Variants in CCDC141 observed in about 807,000 individuals in gnomAD.
The protein encoded by CCDC141 is coiled-coil domain-containing protein 141.
CCDC141 carries 168 observed loss-of-function variants against 181.0 expected under a neutral mutation model. That is an observed-to-expected ratio of 0.93 (90% CI 0.82 to 1.05). The LOEUF (loss-of-function observed/expected upper bound fraction) is 1.05. Ranked by LOEUF, CCDC141 falls within the 50% of genes least tolerant of loss-of-function variation. The pLI is 0.00. For synonymous variants in CCDC141, 666 were observed against 642.3 expected, an observed-to-expected ratio of 1.04 and a Z score of -0.56; for missense variants, 1,902 against 1,788.5, an observed-to-expected ratio of 1.06 and a Z score of -1.14.
intron 6 of CCDC141, among the ~76,000 whole-genome samples, chr2:178,936,370 T>C (rs1689290488): frequency 6.6e-6 from 1 of 152,170 alleles, no homozygotes; most frequent in Non-Finnish European, 1.5e-5. Context: ...CCCTATCACT[T>C]GTTTTTGTCA....
At chr2:178,823,272 A>G in the CCDC141 span, among the ~76,000 whole-genome samples, 1 of 152,192 alleles carries the variant, frequency 6.6e-6, no homozygotes, top group Non-Finnish European at 1.5e-5. Context: ...CAAAAGTTTG[A>G]ATGAGATAAT....
At chr2:178,823,680 T>C in the CCDC141 span, among the ~76,000 whole-genome samples, 1 of 152,238 alleles carries the variant, frequency 6.6e-6, no homozygotes, top group Admixed American at 6.5e-5. Flanking sequence ...TATTTAGAAA[T>C]AATTCTTTTT....
Position 179,050,029 on chromosome 2 carries a change from A to G in CCDC141, c.-88T>C. On this transcript the variant is annotated 5_prime_UTR_variant, in exon 1 of 24. Transcript: ENST00000443758. ...ATTTCAGAAGGCCAGGGTTACTTGG[A>G]TTCATTCAGGGAAAGAGCTCAGCTC... is the stretch of plus-strand genomic sequence containing the variant. 1.3e-6 allele frequency: 2 copies of G among 1,535,548 alleles called. No homozygotes were observed. The highest frequency in any genetic ancestry group is 2.0e-5 in the Admixed American group (1 of 49,790).
At chr2:178,941,789 C>CA (rs112697064) in intron 6 of CCDC141, among the ~76,000 whole-genome samples, 39,003 of 144,284 alleles carry the variant, frequency 0.27, 5,141 homozygotes, top group Middle Eastern at 0.31. Flanking sequence ...CCCGTCTCTA[C>CA]AAAAAAAAAA....
chr2:178,946,421 T>G (rs1689735838), intron 5 of CCDC141, among the ~76,000 whole-genome samples: 1 of 152,190 alleles, frequency 6.6e-6, no homozygotes, highest in South Asian at 2.1e-4. Context: ...TTTAAGGGTT[T>G]CCTCAAAGTA....
intron 11 of CCDC141, among the ~76,000 whole-genome samples, chr2:178,882,317 CA>C (rs1370107614): frequency 6.6e-6 from 1 of 151,966 alleles, no homozygotes; most frequent in East Asian, 1.9e-4. Context: ...TGCAGTGAGC[CA>C]AAATCGCGCC....
the CCDC141 span, among the ~76,000 whole-genome samples, chr2:178,819,405 G>C: frequency 1.4e-4 from 22 of 152,124 alleles, no homozygotes; most frequent in Non-Finnish European, 1.2e-4. Context: ...ATCTACCCAG[G>C]ATAACTAATC....
At chr2:178,839,909 A>T (rs1486182859) in intron 22 of CCDC141, among the ~76,000 whole-genome samples, 1 of 152,158 alleles carries the variant, frequency 6.6e-6, no homozygotes, top group Non-Finnish European at 1.5e-5. Context: ...GGGGACTTTG[A>T]TTAACCACCT....
rs1685383312 is a variant in CCDC141, at chr2:178,856,290, A to G, written c.2832T>C (p.Ile944=). 1 of 1,610,930 alleles carries G rather than the reference A, an allele frequency of 6.2e-7. No individual in the cohort carries two copies. The highest frequency in any genetic ancestry group is 2.2e-5 in the East Asian group (1 of 44,810). The change falls in exon 18 of 24, where the codon ATT becomes ATC. Residue 944 remains isoleucine, a synonymous_variant. Coordinates refer to ENST00000443758, the MANE Select transcript of CCDC141 (RefSeq NM_173648.4). The part of the protein sequence containing the change: ...SRNLKALKYQ[I]QQVDMYAEKM... ...TTTCAGCATACATATCAACTTGCTG[A>G]ATTTGATATTTAAGCGCCTTCAGAT...
intron 13 of CCDC141, among the ~76,000 whole-genome samples, 163 bp downstream of exon 13, chr2:178,871,970 C>CT (rs1272341315): frequency 6.6e-6 from 1 of 152,178 alleles, no homozygotes; most frequent in East Asian, 1.9e-4. Context: ...TGCTTTCTGC[C>CT]TCCATGAGTT....
At position 178,834,390 on chromosome 2, in the gene CCDC141, T is replaced by C. The variant is rs535069504; in HGVS notation, c.4376A>G (p.His1459Arg). 1 of 1,536,416 alleles carries C rather than the reference T, an allele frequency of 6.5e-7. No individual in the cohort carries two copies. Among genetic ancestry groups the C allele is most frequent in the South Asian group, 1.2e-5 (1 of 84,062 alleles). ...LSADGHLQVL[H>R]KETRHSVFIP... ...GAACACCGAATGCCTTGTCTCCTTG[T>C]GTAAAACCTGTAAGTGCCCATCTGC... Residue 1459 changes from histidine (H) to arginine (R), a missense_variant, in exon 24 of 24, where the codon CAC (histidine) becomes CGC (arginine). By Grantham distance (29) the His-to-Arg change is conservative (BLOSUM62 0). Transcript: ENST00000443758.
At chr2:178,894,480 T>C (rs1157307413) in intron 8 of CCDC141, among the ~76,000 whole-genome samples, 3 of 151,666 alleles carry the variant, frequency 2.0e-5, no homozygotes, top group Admixed American at 6.6e-5. Context: ...TGACAATGAC[T>C]TTAAAGTAAA....
chr2:179,015,040 G>A (rs1387957490), intron 2 of CCDC141, among the ~76,000 whole-genome samples: 1 of 115,598 alleles, frequency 8.7e-6, no homozygotes, highest in Non-Finnish European at 1.7e-5. Context: ...ATCAATCAAT[G>A]AGTGGATAAA....
chr2:178,848,062 C>T (rs985463775), intron 21 of CCDC141, among the ~76,000 whole-genome samples: 1 of 152,106 alleles, frequency 6.6e-6, no homozygotes, highest in Non-Finnish European at 1.5e-5. Flanking sequence ...TGGACTAAGA[C>T]AGGTAGGAAG....
intron 2 of CCDC141, among the ~76,000 whole-genome samples, chr2:179,001,245 T>C (rs1306888963): frequency 6.6e-6 from 1 of 152,226 alleles, no homozygotes; most frequent in Non-Finnish European, 1.5e-5. Context: ...TTATTTTAGA[T>C]ACTTACGCAT....
intron 11 of CCDC141, among the ~76,000 whole-genome samples, chr2:178,881,909 T>A (rs1686630825): frequency 1.9e-5 from 2 of 107,156 alleles, no homozygotes; most frequent in African/African-American, 7.4e-5. Context: ...TCTCTCTCTC[T>A]CTCTCTCACA....
At chr2:179,006,271 G>A (rs2042121327) in intron 2 of CCDC141, among the ~76,000 whole-genome samples, 1 of 152,178 alleles carries the variant, frequency 6.6e-6, no homozygotes, top group Non-Finnish European at 1.5e-5. Flanking sequence ...ATACACGGGG[G>A]TGGGGAGGAG....
Position 178,837,584 on chromosome 2 carries a change from T to C in CCDC141, c.3635A>G (p.Asp1212Gly). 6.2e-7 allele frequency: 1 copy of C among 1,613,908 alleles called. No homozygotes were observed. Among genetic ancestry groups the C allele is most frequent in the Non-Finnish European group, 8.5e-7 (1 of 1,179,922 alleles). The part of the protein sequence containing the change: ...SGEEYECVSP[D>G]DISLPPLPGS... ...TGGGAGAGGAGGCAAGGAGATGTCA[T>C]CAGGTGAGACACACTCATATTCTTC... The change falls in exon 23 of 24, where the codon GAT becomes GGT. Residue 1212 changes from aspartate (D) to glycine (G), a missense_variant. By Grantham distance (94) the Asp-to-Gly change is moderately conservative (BLOSUM62 -1). Transcript: ENST00000443758.
intron 2 of CCDC141, 47 bp downstream of exon 2, chr2:179,047,237 T>G: frequency 1.4e-6 from 2 of 1,468,984 alleles, no homozygotes; most frequent in South Asian, 2.9e-5. Context: ...GAAATAGTTT[T>G]TTATGTCTCT....
Sources: allele counts gnomAD v4.1 joint callset (sites outside exome capture counted in the v4.1 genomes callset), GRCh38; gene constraint gnomAD v4.1.1; transcripts MANE v1.5; gene names NCBI Gene and HGNC (gene_info 2026-07-23, HGNC 2026-07-21).